ARRDC1: variants seen among roughly 807,000 people sequenced by gnomAD.
ARRDC1 encodes arrestin domain containing 1.
A neutral mutation model predicts 40.1 loss-of-function variants in ARRDC1; 37 were observed. The ratio of observed to expected loss-of-function variants is 0.92; its 90% confidence interval spans 0.71 to 1.21. ARRDC1 has a LOEUF of 1.21. Among genes scored for constraint, ARRDC1 ranks in the 50% most tolerant of loss-of-function variants. ARRDC1 has a pLI of 0.00. For synonymous variants in ARRDC1, 310 were observed against 262.5 expected (o/e 1.18, Z -1.75); for missense variants, 641 against 581.9 (o/e 1.10, Z -1.04).
At chr9:137,613,937 G>A in intron 4 of ARRDC1, 95 bp from the exon 5 acceptor site, 2 of 1,556,676 alleles carry the variant, frequency 1.3e-6, no homozygotes, top group Non-Finnish European at 1.8e-6. Flanking sequence ...TGATGTCCAG[G>A]GGCAGGGCGT....
intron 1 of ARRDC1, chr9:137,611,562 A>AAAC (rs572085119): frequency 4.7e-3 from 722 of 152,820 alleles, no homozygotes; most frequent in African/African-American, 1.0e-2. Context: ...CGTGTCTCAA[A>AAAC]AACAACAACA....
chr9:137,613,366 G>C, intron 2 of ARRDC1, 94 bp from the exon 3 acceptor site: 3 of 1,377,660 alleles, frequency 2.2e-6, no homozygotes, highest in Non-Finnish European at 3.0e-6. Context: ...AGTGTGAGCT[G>C]GTCAGCTGCA....
Position 137,614,760 on chromosome 9 carries a change from T to A in ARRDC1, c.997T>A (p.Phe333Ile). 1 of 1,610,594 alleles carries A rather than the reference T, an allele frequency of 6.2e-7. No individual in the cohort carries two copies. The highest frequency in any genetic ancestry group is 8.5e-7 in the Non-Finnish European group (1 of 1,178,398). Residue 333 changes from phenylalanine to isoleucine, a missense_variant, in exon 7 of 8, where the codon TTC (phenylalanine) becomes ATC (isoleucine). Physicochemically the swap from Phe to Ile is conservative, Grantham distance 21 (BLOSUM62 0). Transcript: ENST00000371421. ...CGGCCCCCACTTCTTGGACCCCGTCTTCCTCTCCACCAAGAGCCATTCGCA... is the reference window on the plus strand; with the variant it reads ...CGGCCCCCACTTCTTGGACCCCGTCATCCTCTCCACCAAGAGCCATTCGCA... ...AGGPHFLDPV[F>I]LSTKSHSQRQ... is the part of the protein sequence containing the mutation.
chr9:137,612,801 G>T (rs1447903176), intron 1 of ARRDC1, 95 bp from the exon 2 acceptor site: 2 of 906,348 alleles, frequency 2.2e-6, no homozygotes, highest in Non-Finnish European at 3.5e-6. Context: ...TGCCCAGGTG[G>T]TGCTGCTTGG....
rs140159666 is a variant in ARRDC1 at position 137,614,782 on chromosome 9, C to G, written c.1019C>G (p.Ser340Trp). 2.0e-5 allele frequency: 33 copies of G among 1,611,938 alleles called. No homozygotes were observed. The African/African-American group carries it at 3.9e-4, about 19-fold the overall frequency. ...DPVFLSTKSH[S>W]QRQPLLATLS... Reference sequence around the variant, plus strand: ...GTCTTCCTCTCCACCAAGAGCCATTCGCAGCGGCAGCCCCTGCTGGCCACC... The same window carrying G: ...GTCTTCCTCTCCACCAAGAGCCATTGGCAGCGGCAGCCCCTGCTGGCCACC... Residue 340 changes from serine (S) to tryptophan (W), a missense_variant, in exon 7 of 8, where the codon TCG becomes TGG. By Grantham distance (177) the Ser-to-Trp change is radical. Coordinates refer to ENST00000371421, the MANE Select transcript of ARRDC1 (RefSeq NM_152285.4).
intron 4 of ARRDC1, 90 bp from the exon 5 acceptor site, chr9:137,613,941 AG>A (rs1239848650): frequency 6.4e-7 from 1 of 1,556,984 alleles, no homozygotes; most frequent in Non-Finnish European, 8.8e-7. Context: ...GTCCAGGGGC[AG>A]GGCGTGGCAG....
Position 137,605,782 on chromosome 9 carries a change from A to T in ARRDC1, c.65A>T (p.Glu22Val). The T allele has an allele frequency of 7.5e-7, 1 of 1,342,264 alleles. No homozygotes were observed. Among genetic ancestry groups the T allele is most frequent in the Middle Eastern group, 2.7e-4 (1 of 3,750 alleles). 83.1% of individuals were successfully genotyped at this position (1,342,264 alleles called of 1,614,324 possible). A position where few individuals can be genotyped will look rare whatever the true frequency, so the allele number is the denominator to read the frequency against. ...GGCCGCGTCGTCTACAGCCCCGGGG[A>T]GCCGTTGGCTGGGACCGTGCGCGTG... is the stretch of plus-strand genomic sequence containing the variant. ...SHGRVVYSPG[E>V]PLAGTVRVRL... The change falls in exon 1 of 8, where the codon GAG (glutamate) becomes GTG (valine). Residue 22 changes from glutamate (E) to valine (V), a missense_variant. Transcript: ENST00000371421.
chr9:137,614,154 T>C lies in ARRDC1; in HGVS notation c.558T>C (p.His186=). 1 of 1,612,682 alleles carries C rather than the reference T, an allele frequency of 6.2e-7. No homozygotes were observed. The highest frequency in any genetic ancestry group is 2.2e-5 in the East Asian group (1 of 44,826). ...GYVVGQALQL[H]ADVENQSGKD... The stretch of plus-strand genomic sequence containing the variant: ...TGGTGGGGCAGGCACTGCAGCTGCA[T>C]GCCGACGTTGAGAACCAGTCAGGCA... Residue 186 remains histidine (H), a synonymous_variant, in exon 5 of 8, where the codon CAT becomes CAC. Transcript: ENST00000371421.
In ARRDC1 at chr9:137,613,449, T is replaced by C. The variant is rs1230731203; in HGVS notation, c.230-11T>C. On this transcript the variant is annotated splice_polypyrimidine_tract_variant and intron_variant, in intron 2 of 7. Coordinates refer to ENST00000371421, the MANE Select transcript of ARRDC1 (RefSeq NM_152285.4). ...GGGGGACTGCCCCCCACCTCCCTCCTGTCTCTGCAGGGAGCCTGCCCGCTG... is the reference window on the plus strand; with the variant it reads ...GGGGGACTGCCCCCCACCTCCCTCCCGTCTCTGCAGGGAGCCTGCCCGCTG... 1.2e-6 allele frequency: 2 copies of C among 1,610,204 alleles called. No homozygotes were observed. Among genetic ancestry groups the C allele is most frequent in the Non-Finnish European group, 8.5e-7 (1 of 1,179,510 alleles).
At chr9:137,606,411 C>T (rs1030234774) in intron 1 of ARRDC1, among the ~76,000 whole-genome samples, 1 of 152,222 alleles carries the variant, frequency 6.6e-6, no homozygotes, top group African/African-American at 2.4e-5. Flanking sequence ...TCTGCCCGGC[C>T]CTTGGCTGTG....
At chr9:137,613,125 CT>C (rs1409209262) in intron 2 of ARRDC1, 119 bp downstream of exon 2, 1 of 883,740 alleles carries the variant, frequency 1.1e-6, no homozygotes, top group African/African-American at 1.7e-5. Context: ...ACTGGCCCAT[CT>C]TGTCCCAGGG....
In ARRDC1 at chr9:137,614,638, G is replaced by GC; in HGVS notation, c.880dup (p.Arg294ProfsTer25). On this transcript the variant is annotated frameshift_variant, in exon 7 of 8. Coordinates refer to ENST00000371421, the MANE Select transcript of ARRDC1 (RefSeq NM_152285.4). LOFTEE classifies it high-confidence loss of function. ...ATTGCTGTGAACCATGCCCCAGTGA[G>GC]CCCCCGGCCAGGCCTGGGGCTGCCT... 1.9e-6 allele frequency: 3 copies of GC among 1,612,832 alleles called. No homozygotes were observed. The highest frequency in any genetic ancestry group is 1.7e-6 in the Non-Finnish European group (2 of 1,179,838).
intron 1 of ARRDC1, among the ~76,000 whole-genome samples, chr9:137,606,091 G>T (rs1182903401): frequency 6.6e-6 from 1 of 151,802 alleles, no homozygotes; most frequent in Non-Finnish European, 1.5e-5. Flanking sequence ...TGTGGAGGAC[G>T]CCCTGAGCGC....
At position 137,614,451 on chromosome 9, in the gene ARRDC1, C is replaced by T. The variant is rs771208603; in HGVS notation, c.771C>T (p.Leu257=). The T allele has an allele frequency of 1.9e-5, 31 of 1,613,342 alleles. No homozygotes were observed. In the East Asian group the frequency reaches 6.2e-4, roughly 32 times the overall value. Residue 257 remains leucine (L), a synonymous_variant, in exon 6 of 8, where the codon CTC becomes CTT. Coordinates refer to ENST00000371421, the MANE Select transcript of ARRDC1 (RefSeq NM_152285.4). The stretch of plus-strand genomic sequence containing the variant: ...AGTCGGCCCTGCCGGGCTGCAGCCT[C>T]ATCCACATCGACTACTACTTACAGG... ...LPQSALPGCS[L]IHIDYYLQVS...
At position 137,615,154 on chromosome 9, in the gene ARRDC1, T is replaced by C; in HGVS notation, c.*16T>C. ...TGAGAGCTGACCCCGTGCTGCCTTC[T>C]CCAGGCAGGCCTGGCCTCTGCCCTG... On this transcript the variant is annotated 3_prime_UTR_variant, in exon 8 of 8. Transcript: ENST00000371421. 6.6e-7 allele frequency: 1 copy of C among 1,519,558 alleles called. No homozygotes were observed. Among genetic ancestry groups the C allele is most frequent in the South Asian group, 1.3e-5 (1 of 76,540 alleles). The allele number at this position is 1,519,558 out of a possible 1,614,324, so 94.1% of individuals were successfully genotyped here.
At chr9:137,609,449 GCC>G (rs1564499438) in intron 1 of ARRDC1, among the ~76,000 whole-genome samples, 4 of 151,904 alleles carry the variant, frequency 2.6e-5, no homozygotes, top group African/African-American at 4.8e-5. Flanking sequence ...GGTCAGGCGG[GCC>G]TGGAACTCCG....
rs918019862 is a variant in ARRDC1 at position 137,605,700 on chromosome 9, G to T, written c.-18G>T. ...CGGGCGGGGGCGTCGCTGCGCGGCT[G>T]GCCGGTGAGGCCGCGGCATGGGGCG... On this transcript the variant is annotated 5_prime_UTR_variant, in exon 1 of 8. Coordinates refer to ENST00000371421, the MANE Select transcript of ARRDC1 (RefSeq NM_152285.4). 8.2e-6 allele frequency: 11 copies of T among 1,341,024 alleles called. No homozygotes were observed. Among genetic ancestry groups the T allele is most frequent in the Non-Finnish European group, 1.1e-5 (11 of 1,043,928 alleles). 83.1% of individuals were successfully genotyped at this position (1,341,024 alleles called of 1,614,324 possible).
intron 1 of ARRDC1, chr9:137,612,573 G>C (rs1247098534): frequency 2.2e-5 from 7 of 315,514 alleles, no homozygotes. Context: ...AGCTTTCGCA[G>C]GTCTGGCTGG....
chr9:137,614,726 T>TG lies in ARRDC1; in HGVS notation c.964dup (p.Ala322GlyfsTer92), dbSNP rs1215530198. The TG allele has an allele frequency of 6.2e-7, 1 of 1,608,580 alleles. No homozygotes were observed. The highest frequency in any genetic ancestry group is 1.3e-5 in the African/African-American group (1 of 74,624). On this transcript the variant is annotated frameshift_variant, in exon 7 of 8. Transcript: ENST00000371421. LOFTEE classifies it high-confidence loss of function. ...CCCAGGAGGAGGCTGAGGCTGAGGC[T>TG]GCGGCTGGCGGCCCCCACTTCTTGG...
Sources: gnomAD v4.1 joint callset for allele counts (sites outside exome capture counted in the v4.1 genomes callset) on GRCh38, gnomAD v4.1.1 for gene constraint, MANE v1.5 for transcripts, NCBI Gene and HGNC (gene_info 2026-07-23, HGNC 2026-07-21) for gene names.